ROBO2: variants seen among roughly 807,000 people sequenced by gnomAD.
The protein encoded by ROBO2 is roundabout homolog 2.
A neutral mutation model predicts 160.8 loss-of-function variants in ROBO2; 53 were observed. That is an observed-to-expected ratio of 0.33 (90% CI 0.26 to 0.41). ROBO2 has a LOEUF of 0.41. Among genes scored for constraint, ROBO2 ranks in the 10% least tolerant of loss-of-function variants. The pLI, the probability that ROBO2 is intolerant of heterozygous loss-of-function variation, is 1.00. For missense variants in ROBO2, 1,577 were observed against 1,722.4 expected, an observed-to-expected ratio of 0.92 and a Z score of 1.49; for synonymous variants, 664 against 611.7, an observed-to-expected ratio of 1.09 and a Z score of -1.26.
intron 2 of ROBO2, among the ~76,000 whole-genome samples, chr3:76,765,981 A>C (rs555465954): frequency 5.3e-5 from 8 of 151,724 alleles, no homozygotes; most frequent in African/African-American, 1.9e-4. Flanking sequence ...TAGGAAACCT[A>C]CTCTTCCTTT....
At chr3:76,134,490 T>C (rs1289662092) in intron 2 of ROBO2, among the ~76,000 whole-genome samples, 1 of 152,052 alleles carries the variant, frequency 6.6e-6, no homozygotes, top group Non-Finnish European at 1.5e-5. Context: ...TAATCAGAGG[T>C]TATCTTGGAT....
chr3:76,798,140 G>GAAAGAA (rs751178223), intron 2 of ROBO2, among the ~76,000 whole-genome samples: 146 of 115,666 alleles, frequency 1.3e-3, no homozygotes, highest in African/African-American at 4.8e-3. Context: ...AAAGAAGAAA[G>GAAAGAA]AGAAAGAAAG....
chr3:76,813,825 A>C (rs1023385897), intron 2 of ROBO2, among the ~76,000 whole-genome samples: 1 of 152,148 alleles, frequency 6.6e-6, no homozygotes, highest in Non-Finnish European at 1.5e-5. Context: ...CTTGATGAGA[A>C]AGCTATTTGT....
chr3:76,617,241 G>A (rs2088660261), intron 2 of ROBO2, among the ~76,000 whole-genome samples: 1 of 151,074 alleles, frequency 6.6e-6, no homozygotes, highest in African/African-American at 2.4e-5. Context: ...TAAATGTGCA[G>A]GGTTTGACTA....
intron 1 of ROBO2, among the ~76,000 whole-genome samples, chr3:75,912,071 T>C (rs1479244486): frequency 1.3e-5 from 2 of 152,220 alleles, no homozygotes; most frequent in South Asian, 4.1e-4. Context: ...ATGTCAGTCT[T>C]GCACAAAACA....
intron 2 of ROBO2, among the ~76,000 whole-genome samples, chr3:76,601,691 G>A (rs569625835): frequency 2.6e-4 from 39 of 152,304 alleles, no homozygotes; most frequent in Admixed American, 1.2e-3. Context: ...TAGGCCTCCA[G>A]GCCTGTGATT....
chr3:77,591,738 T>C (rs1488270519), intron 17 of ROBO2, among the ~76,000 whole-genome samples: 4 of 152,154 alleles, frequency 2.6e-5, no homozygotes, highest in African/African-American at 7.2e-5. Flanking sequence ...AAGCACAAAG[T>C]TACTACTCTG....
At chr3:75,963,098 A>G (rs1948981279) in intron 2 of ROBO2, among the ~76,000 whole-genome samples, 2 of 151,976 alleles carry the variant, frequency 1.3e-5, no homozygotes, top group South Asian at 4.1e-4. Flanking sequence ...CATACTATAT[A>G]AAAGAGAAAA....
Position 76,974,316 on chromosome 3 carries a change from C to A in ROBO2, c.110-123698C>A, listed in dbSNP as rs1209441484. ...TAATCCCCCCCTTTTTCTTATTTTTCTTTTCTTTTTAAAACTTGATATTCT... is the reference window on the plus strand; with the variant it reads ...TAATCCCCCCCTTTTTCTTATTTTTATTTTCTTTTTAAAACTTGATATTCT... On this transcript the variant is annotated intron_variant, in intron 2 of 26. Transcript: ENST00000487694. Among the ~76,000 whole-genome samples the A allele has an allele frequency of 1.3e-5, 2 of 151,784 alleles. 1 individual carries two copies. The highest frequency in any genetic ancestry group is 4.8e-5 in the African/African-American group (2 of 41,356).
exon 20 of ROBO2, chr3:77,602,429 A>G (rs779582299): frequency 1.2e-6 from 2 of 1,614,184 alleles, no homozygotes; most frequent in African/African-American, 1.3e-5. Flanking sequence ...AGCTCAATTC[A>G]GCAAAAAACA....
intron 2 of ROBO2, among the ~76,000 whole-genome samples, chr3:76,930,330 A>G (rs902404857): frequency 1.3e-5 from 2 of 150,942 alleles, no homozygotes; most frequent in Non-Finnish European, 3.0e-5. Context: ...ACCCTTCCCC[A>G]CTCTTTGTGC....
At chr3:76,431,458 T>C (rs2076433242) in intron 2 of ROBO2, among the ~76,000 whole-genome samples, 1 of 152,172 alleles carries the variant, frequency 6.6e-6, no homozygotes, top group Admixed American at 6.5e-5. Flanking sequence ...TAACATGTAG[T>C]ATGGTTGAAT....
At chr3:76,049,860 C>G (rs2067595449) in intron 2 of ROBO2, among the ~76,000 whole-genome samples, 1 of 152,058 alleles carries the variant, frequency 6.6e-6, no homozygotes, top group South Asian at 2.1e-4. Flanking sequence ...TGGTAGTCTT[C>G]TGTATTTTTG....
intron 2 of ROBO2, among the ~76,000 whole-genome samples, chr3:76,134,233 C>T (rs934233057): frequency 2.6e-5 from 4 of 151,874 alleles, no homozygotes; most frequent in Non-Finnish European, 4.4e-5. Flanking sequence ...TCATGGCACT[C>T]TCTTTTCTTT....
intron 1 of ROBO2, among the ~76,000 whole-genome samples, chr3:75,911,995 T>C (rs1029697220): frequency 6.6e-6 from 1 of 152,240 alleles, no homozygotes; most frequent in Non-Finnish European, 1.5e-5. Flanking sequence ...TTTCTTGTCC[T>C]CCCATATATT....
chr3:76,402,905 C>T (rs79666088), intron 2 of ROBO2, among the ~76,000 whole-genome samples: 108 of 151,680 alleles, frequency 7.1e-4, no homozygotes, highest in African/African-American at 2.6e-3. Flanking sequence ...AATTTAATTA[C>T]GTCTGCAAAG....
intron 2 of ROBO2, among the ~76,000 whole-genome samples, chr3:76,227,207 C>A (rs1704341860): frequency 6.6e-6 from 1 of 152,186 alleles, no homozygotes; most frequent in Non-Finnish European, 1.5e-5. Flanking sequence ...GAATTCTTAA[C>A]CCTTGATTCT....
chr3:77,381,179 G>GTA (rs2073412286), intron 2 of ROBO2, among the ~76,000 whole-genome samples: 1 of 152,184 alleles, frequency 6.6e-6, no homozygotes, highest in South Asian at 2.1e-4. Flanking sequence ...GCTGGACGTG[G>GTA]TGGCACCTGC....
chr3:76,499,192 T>G (rs547489003), intron 2 of ROBO2, among the ~76,000 whole-genome samples: 1 of 152,320 alleles, frequency 6.6e-6, no homozygotes, highest in South Asian at 2.1e-4. Flanking sequence ...AGATTACACC[T>G]GCCACTGTCC....
Sources: allele counts gnomAD v4.1 joint callset (sites outside exome capture counted in the v4.1 genomes callset), GRCh38; gene constraint gnomAD v4.1.1; transcripts MANE v1.5; gene names NCBI Gene and HGNC (gene_info 2026-07-23, HGNC 2026-07-21).